The following KSR2 variants were observed in gnomAD, a reference collection of about 807,000 sequenced individuals.
KSR2 encodes kinase suppressor of ras 2.
A neutral mutation model predicts 107.8 loss-of-function variants in KSR2; 25 were observed. The ratio of observed to expected loss-of-function variants is 0.23; its 90% CI spans 0.17 to 0.32. KSR2 has a LOEUF of 0.32. Among genes scored for constraint, KSR2 ranks in the 10% least tolerant of loss-of-function variants. KSR2 has a pLI of 1.00. For synonymous variants in KSR2, 480 were observed against 507.0 expected (o/e 0.95, Z 0.71); for missense variants, 887 against 1,268.9 (o/e 0.70, Z 4.57).
intron 3 of KSR2, among the ~76,000 whole-genome samples, chr12:117,788,903 A>T (rs1890167498): frequency 6.6e-6 from 1 of 152,200 alleles, no homozygotes; most frequent in Non-Finnish European, 1.5e-5. Flanking sequence ...TTAAAAAGGA[A>T]GCTCTAGGCT....
chr12:117,609,808 C>A (rs1881494397), intron 5 of KSR2, among the ~76,000 whole-genome samples: 2 of 152,170 alleles, frequency 1.3e-5, no homozygotes. Context: ...CTGGTCCCAT[C>A]CCACTGGCAT....
chr12:117,611,789 AGAAAG>A (rs2136318381), intron 5 of KSR2, among the ~76,000 whole-genome samples: 1 of 152,354 alleles, frequency 6.6e-6, no homozygotes, highest in African/African-American at 2.4e-5. Context: ...AGCCCTAAAA[AGAAAG>A]GAAATTCTGA....
intron 1 of KSR2, among the ~76,000 whole-genome samples, chr12:117,913,497 G>T (rs200901084): frequency 5.4e-4 from 82 of 152,308 alleles, no homozygotes; most frequent in African/African-American, 1.9e-3. Context: ...GATGTCATAA[G>T]GTAAGAGTGA....
chr12:117,921,567 C>A (rs1330223714), intron 1 of KSR2, among the ~76,000 whole-genome samples: 2 of 152,086 alleles, frequency 1.3e-5, no homozygotes, highest in African/African-American at 4.8e-5. Flanking sequence ...TCAAGCAGAC[C>A]TAGACTCTGC....
rs376294531 is a variant in KSR2 at position 117,851,983 on chromosome 12, A to G, written c.472+3445T>C. 1.5e-3 allele frequency among the ~76,000 whole-genome samples: 235 copies of G among 152,250 alleles called. 1 individual carries two copies. The highest frequency in any genetic ancestry group is 5.3e-3 in the African/African-American group (220 of 41,560). On this transcript the variant is annotated intron_variant, in intron 3 of 19. Coordinates refer to ENST00000339824, the MANE Select transcript of KSR2 (RefSeq NM_173598.6). The stretch of plus-strand genomic sequence containing the variant: ...TTACAACATCTTCATCATGCATAAG[A>G]AGGAGGAGTATTGTTTCATGAAACA...
intron 2 of KSR2, among the ~76,000 whole-genome samples, chr12:117,857,114 A>G (rs1199853114): frequency 2.0e-5 from 3 of 152,158 alleles, no homozygotes; most frequent in Non-Finnish European, 4.4e-5. Context: ...GCTGGGGTGC[A>G]GTGAGGCCAT....
At chr12:117,519,766 G>T (rs1874619788) in intron 14 of KSR2, among the ~76,000 whole-genome samples, 1 of 151,996 alleles carries the variant, frequency 6.6e-6, no homozygotes, top group African/African-American at 2.4e-5. Context: ...TAGAAGAGGA[G>T]CGAGTGTGTG....
rs1284583581 is a variant in KSR2, at chr12:117,484,519, G to C, written c.2347C>G (p.Leu783Val). The change falls in exon 16 of 20, where the codon CTA becomes GTA. Residue 783 changes from leucine to valine, a missense_variant. By Grantham distance (32) the Leu-to-Val change is conservative (BLOSUM62 1). This residue lies in a region of KSR2 where 308 missense variants were observed against 506.2 expected (regional missense o/e 0.61). Transcript: ENST00000339824. ...TTCTTTGACTTGAGGTCCTTGTGTA[G>C]GATTCCCTTGGCGTGGAGGTAGCCC... ...GMGYLHAKGI[L>V]HKDLKSKNVF... 1 of 1,613,808 alleles carries C rather than the reference G, an allele frequency of 6.2e-7. No homozygotes were observed. The highest frequency in any genetic ancestry group is 8.5e-7 in the Non-Finnish European group (1 of 1,179,852).
rs117694194 is a variant in KSR2, at chr12:117,722,383, G to A, written c.986+38628C>T. Among the ~76,000 whole-genome samples, 25 of 152,216 alleles carry A rather than the reference G, an allele frequency of 1.6e-4. No homozygotes were observed. The East Asian group carries it at 1.9e-3, about 12-fold the overall frequency. On this transcript the variant is annotated intron_variant, in intron 4 of 19. Coordinates refer to ENST00000339824, the MANE Select transcript of KSR2 (RefSeq NM_173598.6). ...CTGAAACCTACTGGGCGGCATTCCC[G>A]GACAGCTAAGGCATTCTAAGTCACA...
intron 4 of KSR2, among the ~76,000 whole-genome samples, chr12:117,708,880 C>T (rs1886639661): frequency 6.6e-6 from 1 of 152,212 alleles, no homozygotes; most frequent in Non-Finnish European, 1.5e-5. Flanking sequence ...CTTAAAACCA[C>T]ACATATTTAT....
chr12:117,869,537 A>G (rs1331716972), intron 1 of KSR2, among the ~76,000 whole-genome samples: 1 of 152,200 alleles, frequency 6.6e-6, no homozygotes, highest in African/African-American at 2.4e-5. Context: ...TCACAAATAC[A>G]TACAGATCTA....
At chr12:117,731,887 A>C (rs997295776) in intron 4 of KSR2, among the ~76,000 whole-genome samples, 4 of 142,730 alleles carry the variant, frequency 2.8e-5, no homozygotes, top group African/African-American at 9.9e-5. Context: ...ACCCAGGGAC[A>C]CAAACACTGC....
chr12:117,717,364 G>C (rs1256317587), intron 4 of KSR2, among the ~76,000 whole-genome samples: 1 of 152,014 alleles, frequency 6.6e-6, no homozygotes, highest in African/African-American at 2.4e-5. Context: ...CCACAAAAAA[G>C]CAAAATTAGC....
intron 4 of KSR2, among the ~76,000 whole-genome samples, chr12:117,716,842 T>C (rs1887003444): frequency 6.6e-6 from 1 of 152,208 alleles, no homozygotes; most frequent in Admixed American, 6.5e-5. Flanking sequence ...TGAAAGTGCC[T>C]GGGAAAAAAA....
At chr12:117,478,579 C>A (rs188813218) in intron 16 of KSR2, among the ~76,000 whole-genome samples, 1 of 151,896 alleles carries the variant, frequency 6.6e-6, no homozygotes. Context: ...GGATTACAGG[C>A]GTGAGCAACC....
At chr12:117,549,816 GA>G (rs989267160) in intron 9 of KSR2, among the ~76,000 whole-genome samples, 1 of 152,162 alleles carries the variant, frequency 6.6e-6, no homozygotes, top group African/African-American at 2.4e-5. Flanking sequence ...TTGAAAGGAA[GA>G]AAGGATAGAG....
chr12:117,667,071 C>A (rs1884687078), intron 5 of KSR2, among the ~76,000 whole-genome samples: 2 of 152,178 alleles, frequency 1.3e-5, no homozygotes, highest in African/African-American at 4.8e-5. Context: ...ATCATAGATG[C>A]CTTAGCCACA....
intron 3 of KSR2, among the ~76,000 whole-genome samples, chr12:117,777,398 A>G (rs527760564): frequency 7.9e-5 from 12 of 152,206 alleles, no homozygotes; most frequent in Non-Finnish European, 1.3e-4. Context: ...AAAATGTGAA[A>G]AACTTAGCAT....
chr12:117,685,420 T>A (rs1308576694), intron 4 of KSR2, among the ~76,000 whole-genome samples: 1 of 152,188 alleles, frequency 6.6e-6, no homozygotes, highest in African/African-American at 2.4e-5. Context: ...TCTTTTAGGT[T>A]TCCTTCCTCC....
Sources: allele counts gnomAD v4.1 joint callset (sites outside exome capture counted in the v4.1 genomes callset), GRCh38; gene constraint gnomAD v4.1.1; regional missense constraint gnomAD v4.1.1; transcripts MANE v1.5; gene names NCBI Gene and HGNC (gene_info 2026-07-23, HGNC 2026-07-21).